Variants in PIGK observed in about 807,000 individuals in gnomAD.
PIGK encodes phosphatidylinositol glycan anchor biosynthesis class K, also known as GPI-anchor transamidase.
PIGK carries 42 observed loss-of-function variants against 50.6 expected under a neutral mutation model. The observed-to-expected ratio is 0.83, with a 90% confidence interval of 0.65 to 1.07. The LOEUF is 1.07. PIGK is among the 50% of genes least tolerant of loss of function. PIGK has a pLI of 0.00. For synonymous variants in PIGK, 151 were observed against 156.0 expected (o/e 0.97, Z 0.24); for missense variants, 448 against 488.7 (o/e 0.92, Z 0.78).
chr1:77,164,039 CTTG>C, intron 5 of PIGK, 97 bp from the exon 6 acceptor site: 8 of 634,724 alleles, frequency 1.3e-5, no homozygotes, highest in Non-Finnish European at 1.9e-5. Context: ...TTTGACATCG[CTTG>C]TTATTTTATA....
chr1:77,117,060 G>A (rs1653991097), intron 10 of PIGK, among the ~76,000 whole-genome samples: 1 of 152,140 alleles, frequency 6.6e-6, no homozygotes, highest in Admixed American at 6.5e-5. Context: ...ACTGACTGCA[G>A]ACACCCATCT....
At chr1:77,203,196 T>C (rs1656210543) in intron 3 of PIGK, among the ~76,000 whole-genome samples, 1 of 152,194 alleles carries the variant, frequency 6.6e-6, no homozygotes, top group African/African-American at 2.4e-5. Context: ...TTTGGGAAAC[T>C]TTCAGGAGTG....
chr1:77,149,702 A>G (rs947230494), intron 9 of PIGK, among the ~76,000 whole-genome samples: 13 of 152,118 alleles, frequency 8.5e-5, no homozygotes, highest in Admixed American at 7.9e-4. Flanking sequence ...CCAAGCAGAA[A>G]ATCTACAAAG....
At chr1:77,131,571 G>A (rs190013657) in intron 9 of PIGK, among the ~76,000 whole-genome samples, 2 of 152,042 alleles carry the variant, frequency 1.3e-5, no homozygotes, top group East Asian at 1.9e-4. Flanking sequence ...TTTATCTGCA[G>A]TGTCTAAGCC....
intron 3 of PIGK, among the ~76,000 whole-genome samples, chr1:77,173,019 T>C (rs550334028): frequency 7.9e-5 from 12 of 152,332 alleles, no homozygotes; most frequent in Non-Finnish European, 1.2e-4. Flanking sequence ...AAAGAAATCA[T>C]TGGCTAAGTT....
intron 9 of PIGK, among the ~76,000 whole-genome samples, chr1:77,134,001 G>A (rs1392245012): frequency 6.6e-6 from 1 of 152,104 alleles, no homozygotes; most frequent in Non-Finnish European, 1.5e-5. Context: ...ATAGCGCAGA[G>A]GTATGTGACT....
At chr1:77,114,282 T>C (rs1653916319) in intron 10 of PIGK, among the ~76,000 whole-genome samples, 1 of 152,138 alleles carries the variant, frequency 6.6e-6, no homozygotes, top group South Asian at 2.1e-4. Context: ...ATTTAAACTA[T>C]TCTGAACCTC....
rs115415963 is a variant in PIGK at position 77,207,417 on chromosome 1, T to C, written c.148-686A>G. 3.7e-3 allele frequency among the ~76,000 whole-genome samples: 571 copies of C among 152,286 alleles called. 5 individuals are homozygous for C. The highest frequency in any genetic ancestry group is 0.013 in the African/African-American group (540 of 41,558). On this transcript the variant is annotated intron_variant, in intron 2 of 10. Coordinates refer to ENST00000370812, the MANE Select transcript of PIGK (RefSeq NM_005482.3). ...AGAATAGAGAAGAAAATTAGCTACATAGGGTTATACAATATTTGTTTCATT... is the reference window on the plus strand; with the variant it reads ...AGAATAGAGAAGAAAATTAGCTACACAGGGTTATACAATATTTGTTTCATT...
In PIGK at chr1:77,090,463, T is replaced by C. The variant is rs1241086805; in HGVS notation, c.*1911A>G. On this transcript the variant is annotated 3_prime_UTR_variant, in exon 11 of 11. Transcript: ENST00000370812. ...CCTTTGAAATTCTGCTGAGGCAAAA[T>C]TTATCCTGAATATTTTATCCAGTAT... The C allele has an allele frequency of 6.6e-6, 1 of 152,200 alleles. No individual in the cohort carries two copies. The highest frequency in any genetic ancestry group is 1.5e-5 in the Non-Finnish European group (1 of 68,014). The allele number at this position is 152,200 out of a possible 1,614,324, so 9.4% of individuals were successfully genotyped here.
intron 3 of PIGK, among the ~76,000 whole-genome samples, chr1:77,196,212 CT>C (rs1656032273): frequency 6.6e-6 from 1 of 152,172 alleles, no homozygotes; most frequent in Non-Finnish European, 1.5e-5. Flanking sequence ...ACCACATTTT[CT>C]TTATCCAGTC....
chr1:77,219,238 C>A (rs1407321366), intron 1 of PIGK, 72 bp downstream of exon 1: 2 of 1,264,442 alleles, frequency 1.6e-6, no homozygotes, highest in Non-Finnish European at 2.3e-6. Flanking sequence ...CCCTCAGCTA[C>A]TGTGTATCGG....
chr1:77,169,479 G>T, intron 3 of PIGK, 84 bp from the exon 4 acceptor site: 1 of 1,113,858 alleles, frequency 9.0e-7, no homozygotes, highest in Non-Finnish European at 1.3e-6. Flanking sequence ...TGTAGCTACT[G>T]TGTTCATTTT....
chr1:77,101,235 C>A (rs952035482), intron 10 of PIGK, among the ~76,000 whole-genome samples: 28 of 152,108 alleles, frequency 1.8e-4, no homozygotes, highest in Non-Finnish European at 4.4e-5. Context: ...TATGACATTA[C>A]CTTTATGTTT....
intron 10 of PIGK, among the ~76,000 whole-genome samples, chr1:77,097,219 G>C (rs980979380): frequency 2.0e-5 from 3 of 152,078 alleles, no homozygotes; most frequent in African/African-American, 7.2e-5. Context: ...ATGCAGTGCT[G>C]CTCTCCTCTA....
At position 77,190,896 on chromosome 1, in the gene PIGK, C is replaced by T. The variant is rs150810786; in HGVS notation, c.239+15744G>A. ...TAAATCTTCACTGCTTCACCTCTACCTTCAAATATTCCCCAATGTTAATCA... is the reference window on the plus strand; with the variant it reads ...TAAATCTTCACTGCTTCACCTCTACTTTCAAATATTCCCCAATGTTAATCA... On this transcript the variant is annotated intron_variant, in intron 3 of 10. Coordinates refer to ENST00000370812, the MANE Select transcript of PIGK (RefSeq NM_005482.3). 3.5e-3 allele frequency among the ~76,000 whole-genome samples: 533 copies of T among 152,268 alleles called. 3 individuals carry two copies. The highest frequency in any genetic ancestry group is 4.1e-3 in the Non-Finnish European group (278 of 68,022).
intron 9 of PIGK, among the ~76,000 whole-genome samples, chr1:77,150,438 T>C (rs1435804402): frequency 2.0e-5 from 3 of 150,838 alleles, no homozygotes; most frequent in Non-Finnish European, 4.4e-5. Context: ...AAAGGATCGC[T>C]TGAGCCCAGG....
chr1:77,141,462 C>T (rs924421452), intron 9 of PIGK, among the ~76,000 whole-genome samples: 31 of 152,130 alleles, frequency 2.0e-4, no homozygotes, highest in Non-Finnish European at 4.4e-5. Context: ...ATAAGCTGCA[C>T]GCTTCCCTTA....
At chr1:77,146,428 C>A (rs747735604) in intron 9 of PIGK, among the ~76,000 whole-genome samples, 6 of 152,056 alleles carry the variant, frequency 3.9e-5, no homozygotes, top group Admixed American at 1.3e-4. Context: ...TTGGGAGACA[C>A]AAGCAGGAGG....
intron 3 of PIGK, among the ~76,000 whole-genome samples, chr1:77,206,398 A>T (rs1656287488): frequency 6.6e-6 from 1 of 152,124 alleles, no homozygotes; most frequent in Non-Finnish European, 1.5e-5. Flanking sequence ...CATTACACTA[A>T]ATAATTATAT....
Sources: allele counts gnomAD v4.1 joint callset (sites outside exome capture counted in the v4.1 genomes callset), GRCh38; gene constraint gnomAD v4.1.1; transcripts MANE v1.5; gene names NCBI Gene and HGNC (gene_info 2026-07-23, HGNC 2026-07-21).